ATAD3B: variants seen among roughly 807,000 people sequenced by gnomAD.
ATAD3B encodes ATPase family AAA domain-containing protein 3B.
Under a neutral mutation model 70.2 loss-of-function variants are expected in ATAD3B, and 59 were observed. That is an observed-to-expected ratio of 0.84 (90% confidence interval 0.68 to 1.04). The LOEUF (loss-of-function observed/expected upper bound fraction) is 1.04, where lower values mean the gene tolerates loss of function less well. Among genes scored for constraint, ATAD3B ranks in the 50% least tolerant of loss-of-function variants. The probability of loss-of-function intolerance (pLI) is 0.00; values close to 1 mark genes in which losing one functional copy is unlikely to be tolerated. For synonymous variants in ATAD3B, 423 were observed against 388.6 expected (o/e 1.09, Z -1.04); for missense variants, 961 against 913.4 (o/e 1.05, Z -0.67).
chr1:1,491,256 C>A (rs1640526551), intron 15 of ATAD3B, among the ~76,000 whole-genome samples: 1 of 152,074 alleles, frequency 6.6e-6, no homozygotes, highest in East Asian at 1.9e-4. Flanking sequence ...TCTGATCAGG[C>A]CGGGCGCGGT....
At chr1:1,476,389 T>C (rs1251084005) in intron 1 of ATAD3B, among the ~76,000 whole-genome samples, 1 of 151,100 alleles carries the variant, frequency 6.6e-6, no homozygotes, top group Non-Finnish European at 1.5e-5. Context: ...ACGTGTTTGC[T>C]GCAGTTGACT....
Position 1,482,444 on chromosome 1 carries a change from C to T in ATAD3B, c.681-101C>T. Reference sequence around the variant, plus strand: ...TGGGGGCACTGCCCCTCTGTCCTGGCAAGGCCGTGCCGCCATGTCAGGGCC... The same window carrying T: ...TGGGGGCACTGCCCCTCTGTCCTGGTAAGGCCGTGCCGCCATGTCAGGGCC... On this transcript the variant is annotated intron_variant, in intron 6 of 15. Coordinates refer to ENST00000673477, the MANE Select transcript of ATAD3B (RefSeq NM_031921.6). The T allele has an allele frequency of 1.9e-6, 3 of 1,602,500 alleles. 1 individual carries two copies. In the South Asian group the frequency reaches 3.4e-5, roughly 18 times the overall value.
chr1:1,480,858 T>C lies in ATAD3B; in HGVS notation c.445-9T>C. The C allele has an allele frequency of 6.5e-7, 1 of 1,534,992 alleles. No homozygotes were observed. The highest frequency in any genetic ancestry group is 8.8e-7 in the Non-Finnish European group (1 of 1,135,916). ...AAGGCTTTTCTCTTTTTCTGCGGCTTCTTCTCAGCAACTTCTCAATGAGGA... is the reference window on the plus strand; with the variant it reads ...AAGGCTTTTCTCTTTTTCTGCGGCTCCTTCTCAGCAACTTCTCAATGAGGA... On this transcript the variant is annotated splice_polypyrimidine_tract_variant and intron_variant, in intron 4 of 15. Coordinates refer to ENST00000673477, the MANE Select transcript of ATAD3B (RefSeq NM_031921.6).
intron 1 of ATAD3B, among the ~76,000 whole-genome samples, 169 bp from the exon 2 acceptor site, chr1:1,477,105 G>A (rs1238616785): frequency 6.6e-6 from 1 of 151,730 alleles, no homozygotes; most frequent in African/African-American, 2.4e-5. Flanking sequence ...TGCCTCCGGG[G>A]TTCAAGCCAT....
At chr1:1,483,299 T>C (rs1640023444) in intron 7 of ATAD3B, among the ~76,000 whole-genome samples, 1 of 151,614 alleles carries the variant, frequency 6.6e-6, no homozygotes, top group African/African-American at 2.4e-5. Context: ...AAACCCCATC[T>C]CTGCTAAAAA....
At chr1:1,473,557 G>A (rs1375927693) in intron 1 of ATAD3B, among the ~76,000 whole-genome samples, 1 of 148,626 alleles carries the variant, frequency 6.7e-6, no homozygotes, top group Non-Finnish European at 1.5e-5. Flanking sequence ...GTGCAATGGC[G>A]CCATCTTGTC....
chr1:1,501,400 G>T (rs1470808569), downstream of ATAD3B, among the ~76,000 whole-genome samples: 1 of 151,890 alleles, frequency 6.6e-6, no homozygotes, highest in Non-Finnish European at 1.5e-5. Flanking sequence ...GACTACAGGC[G>T]CCTGCCACCA....
intron 4 of ATAD3B, among the ~76,000 whole-genome samples, chr1:1,480,159 G>A (rs1414766567): frequency 7.2e-6 from 1 of 138,492 alleles, no homozygotes; most frequent in Non-Finnish European, 1.5e-5. Flanking sequence ...ATACATACGG[G>A]CACGCACCTG....
intron 5 of ATAD3B, among the ~76,000 whole-genome samples, chr1:1,481,176 C>CTT (rs1217771354): frequency 1.3e-4 from 14 of 110,674 alleles, no homozygotes; most frequent in African/African-American, 4.5e-4. Flanking sequence ...GTACAGGGGC[C>CTT]TTTTTTTTTT....
At chr1:1,494,346 T>TC (rs1640674029) in intron 15 of ATAD3B, among the ~76,000 whole-genome samples, 2 of 151,784 alleles carry the variant, frequency 1.3e-5, no homozygotes, top group South Asian at 4.2e-4. Context: ...ACCCTGAGGG[T>TC]CCCTGCACCT....
chr1:1,496,050 A>T lies in ATAD3B; in HGVS notation c.*233A>T, dbSNP rs902434377. 87 of 1,303,696 alleles carry T rather than the reference A, an allele frequency of 6.7e-5. No homozygotes were observed. The highest frequency in any genetic ancestry group is 2.9e-4 in the Middle Eastern group (1 of 3,482). 80.8% of individuals were successfully genotyped at this position (1,303,696 alleles called of 1,614,324 possible). ...GTGAGGGGGGGCCTGCCAGGACTAG[A>T]CAGAAGTGGGGCGGCCTGAACCCTG... On this transcript the variant is annotated 3_prime_UTR_variant, in exon 16 of 16. Coordinates refer to ENST00000673477, the MANE Select transcript of ATAD3B (RefSeq NM_031921.6).
At chr1:1,495,410 C>A in intron 15 of ATAD3B, 75 bp from the exon 16 acceptor site, 1 of 1,522,698 alleles carries the variant, frequency 6.6e-7, no homozygotes, top group Middle Eastern at 1.8e-4. Context: ...CCCCTCCCCA[C>A]CTCGGGGCCC....
Position 1,473,134 on chromosome 1 carries a change from C to CTTT in ATAD3B, c.205+1067_205+1069dup, listed in dbSNP as rs569834397. Among the ~76,000 whole-genome samples the CTTT allele has an allele frequency of 4.6e-3, 392 of 84,392 alleles. 19 individuals carry two copies. The highest frequency in any genetic ancestry group is 0.016 in the African/African-American group (265 of 16,738). 55.4% of individuals were successfully genotyped at this position (84,392 alleles called of 152,430 possible). A position where few individuals can be genotyped will look rare whatever the true frequency, so the allele number is the denominator to read the frequency against. ...CACAGCGCCCAGACAGAAGGGATTC[C>CTTT]TTTTTTTTTTTTTTTTTTTTTTTTG... On this transcript the variant is annotated intron_variant, in intron 1 of 15. Transcript: ENST00000673477.
intron 10 of ATAD3B, 87 bp downstream of exon 10, chr1:1,486,322 A>G: frequency 6.2e-7 from 1 of 1,605,552 alleles, no homozygotes. Context: ...CCGCCTGGGG[A>G]ATGGACCCCC....
chr1:1,490,761 CAT>C, intron 15 of ATAD3B, 90 bp downstream of exon 15: 4 of 1,516,754 alleles, frequency 2.6e-6, no homozygotes, highest in Non-Finnish European at 8.9e-7. Flanking sequence ...GCACCGGTGT[CAT>C]GTGGGAGCTT....
At chr1:1,487,804 C>T in intron 11 of ATAD3B, 59 bp from the exon 12 acceptor site, 1 of 1,598,248 alleles carries the variant, frequency 6.3e-7, no homozygotes, top group Non-Finnish European at 8.6e-7. Context: ...CGGCCGGACG[C>T]TGCTGTGGGC....
intron 4 of ATAD3B, 26 bp downstream of exon 4, chr1:1,479,134 G>A (rs371053212): frequency 8.9e-6 from 7 of 786,838 alleles, no homozygotes; most frequent in African/African-American, 2.1e-5. Flanking sequence ...CCTGCGAGGC[G>A]CCTGCGTCCC....
chr1:1,477,547 G>A (rs1335783473), intron 2 of ATAD3B, among the ~76,000 whole-genome samples, 197 bp downstream of exon 2: 2 of 151,916 alleles, frequency 1.3e-5, no homozygotes, highest in African/African-American at 4.8e-5. Context: ...CCGCCCGAGA[G>A]GGAGGGTCAG....
chr1:1,489,897 C>T, intron 13 of ATAD3B: 2 of 1,221,602 alleles, frequency 1.6e-6, no homozygotes, highest in Non-Finnish European at 2.1e-6. Context: ...CTCGCATGGC[C>T]ATAATCTTGA....
Sources: allele counts gnomAD v4.1 joint callset (sites outside exome capture counted in the v4.1 genomes callset), GRCh38; gene constraint gnomAD v4.1.1; transcripts MANE v1.5; gene names NCBI Gene and HGNC (gene_info 2026-07-23, HGNC 2026-07-21).